Variants in CSMD1 observed in about 807,000 individuals in gnomAD.
The protein encoded by CSMD1 is CUB and Sushi multiple domains 1, also known as CUB and sushi domain-containing protein 1.
A neutral mutation model predicts 417.5 loss-of-function variants in CSMD1; 213 were observed. The ratio of observed to expected loss-of-function variants is 0.51; its 90% CI spans 0.46 to 0.57. The LOEUF is 0.57. Among genes scored for constraint, CSMD1 ranks in the 20% least tolerant of loss-of-function variants. The probability of loss-of-function intolerance (pLI) is 0.00; values close to 1 mark genes in which losing one functional copy is unlikely to be tolerated. For synonymous variants in CSMD1, 2,862 were observed against 1,736.8 expected (o/e 1.65, Z -16.11); for missense variants, 6,923 against 4,529.7 (o/e 1.53, Z -15.17).
At position 4,859,288 on chromosome 8, in the gene CSMD1, C is replaced by T. The variant is rs1176885915; in HGVS notation, c.85+135044G>A. ...ATTCAAGATGGATTAAAGACTTAAA[C>T]GTTAGACCTAAAACCATAAATAACC... On this transcript the variant is annotated intron_variant, in intron 1 of 69. Coordinates refer to ENST00000635120, the MANE Select transcript of CSMD1 (RefSeq NM_033225.6). Among the ~76,000 whole-genome samples the T allele has an allele frequency of 3.9e-5, 6 of 152,138 alleles. 1 individual carries two copies. The highest frequency in any genetic ancestry group is 2.6e-4 in the Admixed American group (4 of 15,278).
At chr8:4,317,333 G>A (rs938745778) in intron 3 of CSMD1, among the ~76,000 whole-genome samples, 1 of 152,182 alleles carries the variant, frequency 6.6e-6, no homozygotes, top group Non-Finnish European at 1.5e-5. Context: ...GTGGGGTGCA[G>A]TGAAATTAGA....
intron 2 of CSMD1, among the ~76,000 whole-genome samples, chr8:4,489,665 G>C (rs1198275628): frequency 6.6e-6 from 1 of 152,184 alleles, no homozygotes; most frequent in Non-Finnish European, 1.5e-5. Context: ...CGGCATGCGT[G>C]TGAGCACCTA....
chr8:4,367,649 G>A (rs1473660889), intron 3 of CSMD1, among the ~76,000 whole-genome samples: 1 of 152,028 alleles, frequency 6.6e-6, no homozygotes, highest in South Asian at 2.1e-4. Context: ...AATTGCTTTG[G>A]GTGGTATGAT....
rs574194979 is a variant in CSMD1 at position 3,328,593 on chromosome 8, A to G, written c.3631+14701T>C. Among the ~76,000 whole-genome samples the G allele has an allele frequency of 3.3e-5, 5 of 152,316 alleles. No individual in the cohort carries two copies. In the East Asian group the frequency reaches 9.7e-4, roughly 29 times the overall value. On this transcript the variant is annotated intron_variant, in intron 23 of 69. Coordinates refer to ENST00000635120, the MANE Select transcript of CSMD1 (RefSeq NM_033225.6). ...ATCAGTTTCAATCCAAGTCGCTCCA[A>G]TGTACATATAGTGGGCTATGTGTCT...
intron 3 of CSMD1, among the ~76,000 whole-genome samples, chr8:4,150,929 A>G (rs927057560): frequency 3.3e-5 from 5 of 152,050 alleles, no homozygotes; most frequent in Non-Finnish European, 5.9e-5. Context: ...CTGTGCTTTA[A>G]TTACAGTCTG....
intron 3 of CSMD1, among the ~76,000 whole-genome samples, chr8:4,376,456 A>G (rs887992383): frequency 1.1e-4 from 17 of 152,186 alleles, no homozygotes; most frequent in African/African-American, 3.9e-4. Context: ...CTTATTCTGT[A>G]GAAACATCAT....
At chr8:4,067,349 G>C (rs951557639) in intron 3 of CSMD1, among the ~76,000 whole-genome samples, 1 of 152,144 alleles carries the variant, frequency 6.6e-6, no homozygotes, top group African/African-American at 2.4e-5. Context: ...ATAATTCAGG[G>C]AATTTTAAAG....
At chr8:4,169,197 C>T (rs1453007181) in intron 3 of CSMD1, among the ~76,000 whole-genome samples, 5 of 152,098 alleles carry the variant, frequency 3.3e-5, no homozygotes, top group Non-Finnish European at 7.3e-5. Flanking sequence ...ACATAGTGTA[C>T]GTCACCAACA....
At chr8:3,609,530 G>C (rs945895758) in intron 8 of CSMD1, among the ~76,000 whole-genome samples, 1 of 151,890 alleles carries the variant, frequency 6.6e-6, no homozygotes, top group East Asian at 1.9e-4. Context: ...TACGGAAAAG[G>C]GATTTCTCAA....
intron 3 of CSMD1, among the ~76,000 whole-genome samples, chr8:4,264,242 G>T (rs1192237406): frequency 6.6e-6 from 1 of 152,078 alleles, no homozygotes; most frequent in African/African-American, 2.4e-5. Context: ...CTCGTCTTAG[G>T]AATAATTTTA....
intron 5 of CSMD1, among the ~76,000 whole-genome samples, chr8:3,989,219 T>C (rs979634621): frequency 1.3e-5 from 2 of 152,152 alleles, no homozygotes; most frequent in African/African-American, 4.8e-5. Context: ...TCACTTCTAT[T>C]TTACAGACAG....
chr8:4,439,496 G>C (rs780322413), intron 2 of CSMD1, among the ~76,000 whole-genome samples: 19 of 151,896 alleles, frequency 1.3e-4, no homozygotes, highest in Non-Finnish European at 2.4e-4. Flanking sequence ...TGACGAACAA[G>C]CTGAGATAGC....
chr8:4,961,331 G>A (rs557558051), intron 1 of CSMD1, among the ~76,000 whole-genome samples: 5 of 152,044 alleles, frequency 3.3e-5, no homozygotes, highest in African/African-American at 1.2e-4. Context: ...CACTCTTAGA[G>A]CCTTTTCAAA....
intron 2 of CSMD1, among the ~76,000 whole-genome samples, chr8:4,577,692 C>T (rs1258308749): frequency 6.6e-6 from 1 of 152,304 alleles, no homozygotes; most frequent in Admixed American, 6.5e-5. Flanking sequence ...GGACAAATTG[C>T]TCCTTCAAAG....
chr8:4,558,683 A>T (rs1245452299), intron 2 of CSMD1, among the ~76,000 whole-genome samples: 1 of 152,088 alleles, frequency 6.6e-6, no homozygotes, highest in African/African-American at 2.4e-5. Context: ...GCTGGCCAAC[A>T]TGGTGAAACT....
rs1053219877 is a variant in CSMD1, at chr8:4,994,480, C to A, written c.-64G>T. The A allele has an allele frequency of 4.1e-6, 6 of 1,459,370 alleles. No individual in the cohort carries two copies. Among genetic ancestry groups the A allele is most frequent in the South Asian group, 1.2e-5 (1 of 86,096 alleles). The allele number at this position is 1,459,370 out of a possible 1,614,324, so 90.4% of individuals were successfully genotyped here. Reference sequence around the variant, plus strand: ...CCTCCGAGGAAGGCAGGGCTATGAGCGGAGCCAAATAATCACCCGAGGGCA... The same window carrying A: ...CCTCCGAGGAAGGCAGGGCTATGAGAGGAGCCAAATAATCACCCGAGGGCA... On this transcript the variant is annotated 5_prime_UTR_variant, in exon 1 of 70. Coordinates refer to ENST00000635120, the MANE Select transcript of CSMD1 (RefSeq NM_033225.6).
chr8:3,188,767 G>T, intron 35 of CSMD1, 120 bp downstream of exon 35: 2 of 856,330 alleles, frequency 2.3e-6, no homozygotes, highest in South Asian at 4.4e-5. Context: ...CAGTATAAAA[G>T]GAAAAAAGAG....
At position 3,096,249 on chromosome 8, in the gene CSMD1, C is replaced by A. The variant is rs978486968; in HGVS notation, c.7138+600G>T. 2.0e-5 allele frequency among the ~76,000 whole-genome samples: 3 copies of A among 152,110 alleles called. No homozygotes were observed. The East Asian group carries it at 5.8e-4, about 29-fold the overall frequency. On this transcript the variant is annotated intron_variant, in intron 47 of 69. Transcript: ENST00000635120. ...TTTGAAAAGTGACAATGTTAACAAT[C>A]CTATGGTTTGGCTGTGTCCCCTCCC...
chr8:3,963,725 G>A (rs967227734), intron 5 of CSMD1, among the ~76,000 whole-genome samples: 1 of 152,070 alleles, frequency 6.6e-6, no homozygotes, highest in African/African-American at 2.4e-5. Context: ...CAATAATTTT[G>A]ATAGCAAAAC....
Sources: allele counts gnomAD v4.1 joint callset (sites outside exome capture counted in the v4.1 genomes callset), GRCh38; gene constraint gnomAD v4.1.1; transcripts MANE v1.5; gene names NCBI Gene and HGNC (gene_info 2026-07-23, HGNC 2026-07-21).